GALNT11: variants seen among roughly 807,000 people sequenced by gnomAD.
GALNT11 encodes UDP-GalNAc:polypeptide N-acetylgalactosaminyltransferase 11.
GALNT11 carries 47 observed loss-of-function variants against 72.7 expected under a neutral mutation model. The ratio of observed to expected loss-of-function variants is 0.65; its 90% CI spans 0.51 to 0.82. GALNT11 has a LOEUF of 0.82. Among genes scored for constraint, GALNT11 ranks in the 40% least tolerant of loss-of-function variants. The pLI is 0.00. For missense variants in GALNT11, 677 were observed against 778.4 expected (o/e 0.87, Z 1.55); for synonymous variants, 270 against 286.6 (o/e 0.94, Z 0.58).
At position 152,121,606 on chromosome 7, in the gene GALNT11, G is replaced by A. The variant is rs150789826; in HGVS notation, c.1756G>A (p.Gly586Ser). The part of the protein sequence containing the change: ...GQCLRAVDPL[G>S]QKGSVAMAIC... The stretch of plus-strand genomic sequence containing the variant: ...GTGCCTGAGAGCAGTGGATCCCCTG[G>A]GTCAGAAGGGCTCTGTCGCCATGGC... The change falls in exon 12 of 12, where the codon GGT (glycine) becomes AGT (serine). Residue 586 changes from glycine (G) to serine (S), a missense_variant. Physicochemically the swap from Gly to Ser is moderately conservative, Grantham distance 56. Transcript: ENST00000430044. The A allele has an allele frequency of 1.0e-4, 166 of 1,614,158 alleles. 1 individual carries two copies. Among genetic ancestry groups the A allele is most frequent in the Admixed American group, 5.0e-5 (3 of 60,010 alleles).
intron 1 of GALNT11, among the ~76,000 whole-genome samples, chr7:152,065,196 A>C (rs1417865825): frequency 2.0e-5 from 3 of 152,074 alleles, no homozygotes; most frequent in Non-Finnish European, 2.9e-5. Context: ...GCTTCATTTC[A>C]TTCATTTGAT....
At chr7:152,114,714 G>T (rs1587476249) in intron 8 of GALNT11, among the ~76,000 whole-genome samples, 1 of 152,120 alleles carries the variant, frequency 6.6e-6, no homozygotes. Context: ...TTACAGGTGT[G>T]AGCCACCACG....
chr7:152,040,636 TAAATA>T (rs1458693386), intron 1 of GALNT11, among the ~76,000 whole-genome samples: 1 of 151,014 alleles, frequency 6.6e-6, no homozygotes, highest in Non-Finnish European at 1.5e-5. Context: ...TGCAATTGGG[TAAATA>T]AAGTAATCAG....
At chr7:152,050,801 CCA>C (rs1296029007) in intron 1 of GALNT11, among the ~76,000 whole-genome samples, 1 of 152,242 alleles carries the variant, frequency 6.6e-6, no homozygotes, top group African/African-American at 2.4e-5. Flanking sequence ...TGAGTTTCCA[CCA>C]CCAGGATGGG....
chr7:152,038,791 A>G (rs569462833), intron 1 of GALNT11, among the ~76,000 whole-genome samples: 3 of 152,366 alleles, frequency 2.0e-5, no homozygotes, highest in Non-Finnish European at 4.4e-5. Context: ...TGAATAGGTT[A>G]CTAGCTGCTA....
At chr7:152,047,687 C>CAT (rs552563071) in intron 1 of GALNT11, among the ~76,000 whole-genome samples, 6 of 147,048 alleles carry the variant, frequency 4.1e-5, no homozygotes, top group African/African-American at 1.5e-4. Context: ...ACAGTGACAC[C>CAT]GTGTGTGTGT....
At chr7:152,073,733 G>T (rs967873787) in intron 1 of GALNT11, among the ~76,000 whole-genome samples, 2 of 152,136 alleles carry the variant, frequency 1.3e-5, no homozygotes, top group African/African-American at 4.8e-5. Context: ...TTCCATAGTG[G>T]CTGTACTAGT....
intron 1 of GALNT11, among the ~76,000 whole-genome samples, chr7:152,044,844 G>A (rs556842720): frequency 6.6e-6 from 1 of 151,872 alleles, no homozygotes; most frequent in South Asian, 2.1e-4. Flanking sequence ...AGTGATGAAA[G>A]TGGGCATCCT....
At chr7:152,090,991 T>C (rs1454404452) in intron 1 of GALNT11, among the ~76,000 whole-genome samples, 1 of 151,954 alleles carries the variant, frequency 6.6e-6, no homozygotes, top group African/African-American at 2.4e-5. Context: ...ACTGAAGACA[T>C]AGGGGTAGAT....
At chr7:152,052,269 A>C (rs1335077340) in intron 1 of GALNT11, among the ~76,000 whole-genome samples, 1 of 151,962 alleles carries the variant, frequency 6.6e-6, no homozygotes, top group Admixed American at 6.6e-5. Flanking sequence ...AGGATATTGG[A>C]TTGTTTCCAC....
At chr7:152,040,719 G>T (rs528261421) in intron 1 of GALNT11, among the ~76,000 whole-genome samples, 81 of 152,238 alleles carry the variant, frequency 5.3e-4, no homozygotes, top group African/African-American at 2.0e-3. Context: ...CATGTATAAA[G>T]AATCAAATCA....
chr7:152,054,444 T>A (rs1250288707), intron 1 of GALNT11, among the ~76,000 whole-genome samples: 1 of 151,544 alleles, frequency 6.6e-6, no homozygotes, highest in Non-Finnish European at 1.5e-5. Flanking sequence ...CCATTTTTTT[T>A]AATTGTGGTA....
At chr7:152,110,444 A>T in intron 6 of GALNT11, 84 bp from the exon 7 acceptor site, 1 of 938,018 alleles carries the variant, frequency 1.1e-6, no homozygotes, top group Middle Eastern at 2.1e-4. Context: ...TTATGTTCCA[A>T]AATGACACTG....
Position 152,094,022 on chromosome 7 carries a change from G to T in GALNT11, c.-38-168G>T. ...CCACAGGCCTGAGGTTTTCATTGTT[G>T]AACCCTTTTTAAAAACTCAGTACTA... On this transcript the variant is annotated intron_variant, in intron 1 of 11. Coordinates refer to ENST00000430044, the MANE Select transcript of GALNT11 (RefSeq NM_022087.4). This position sits in a 1 kb window ranked among gnomAD's most constrained non-coding sequence, Gnocchi z 4.3. The T allele has an allele frequency of 1.9e-6, 1 of 514,516 alleles. No homozygotes were observed. Among genetic ancestry groups the T allele is most frequent in the Non-Finnish European group, 3.2e-6 (1 of 308,482 alleles). The allele number at this position is 514,516 out of a possible 1,614,324, so 31.9% of individuals were successfully genotyped here.
chr7:152,050,529 C>T (rs1441796740), intron 1 of GALNT11, among the ~76,000 whole-genome samples: 1 of 152,186 alleles, frequency 6.6e-6, no homozygotes, highest in African/African-American at 2.4e-5. Context: ...CTTCCGTCTC[C>T]TTTCCTCAAG....
At chr7:152,061,883 T>A (rs1019133304) in intron 1 of GALNT11, among the ~76,000 whole-genome samples, 6 of 152,224 alleles carry the variant, frequency 3.9e-5, no homozygotes, top group Admixed American at 2.6e-4. Context: ...TGTAGGCTTG[T>A]AGTATAGTTT....
At position 152,110,995 on chromosome 7, in the gene GALNT11, A is replaced by T. The variant is rs552062982; in HGVS notation, c.1080+350A>T. Among the ~76,000 whole-genome samples, 7 of 151,722 alleles carry T rather than the reference A, an allele frequency of 4.6e-5. No individual in the cohort carries two copies. The South Asian group carries it at 1.5e-3, about 32-fold the overall frequency. On this transcript the variant is annotated intron_variant, in intron 7 of 11. Coordinates refer to ENST00000430044, the MANE Select transcript of GALNT11 (RefSeq NM_022087.4). The stretch of plus-strand genomic sequence containing the variant: ...CCTCGGCCTCCCAGAGTGCTCCATG[A>T]CTATCTTTATTGACAAATTGTCCTT...
At chr7:152,098,365 C>T (rs1409580184) in intron 2 of GALNT11, among the ~76,000 whole-genome samples, 1 of 151,900 alleles carries the variant, frequency 6.6e-6, no homozygotes, top group Non-Finnish European at 1.5e-5. Flanking sequence ...GCAGAGGCTA[C>T]AGTGAGCCGA....
At chr7:152,117,075 C>A in intron 8 of GALNT11, 82 bp from the exon 9 acceptor site, 1 of 1,188,150 alleles carries the variant, frequency 8.4e-7, no homozygotes, top group South Asian at 1.4e-5. Flanking sequence ...TGGACTTAAT[C>A]GTGTAAAAAA....
Sources: gnomAD v4.1 joint callset for allele counts (sites outside exome capture counted in the v4.1 genomes callset) on GRCh38, gnomAD v4.1.1 for gene constraint, Gnocchi (gnomAD v3.1) non-coding constraint, MANE v1.5 for transcripts, NCBI Gene and HGNC (gene_info 2026-07-23, HGNC 2026-07-21) for gene names.